PRKN: variants seen among roughly 807,000 people sequenced by gnomAD.
PRKN encodes the protein parkin RBR E3 ubiquitin protein ligase.
Under a neutral mutation model 59.5 loss-of-function variants are expected in PRKN, and 56 were observed. The ratio of observed to expected loss-of-function variants is 0.94; its 90% confidence interval spans 0.76 to 1.18. The LOEUF (loss-of-function observed/expected upper bound fraction) is 1.18, where lower values mean the gene tolerates loss of function less well. Among genes scored for constraint, PRKN ranks in the 50% most tolerant of loss-of-function variants. The probability of loss-of-function intolerance (pLI) is 0.00; values close to 1 mark genes in which losing one functional copy is unlikely to be tolerated. For synonymous variants in PRKN, 250 were observed against 222.1 expected, an observed-to-expected ratio of 1.13 and a Z score of -1.12; for missense variants, 657 against 596.4, an observed-to-expected ratio of 1.10 and a Z score of -1.06.
intron 6 of PRKN, among the ~76,000 whole-genome samples, chr6:161,880,395 G>C (rs1339159277): frequency 1.3e-5 from 2 of 152,164 alleles, no homozygotes; most frequent in South Asian, 4.1e-4. Flanking sequence ...TGAGAGATAT[G>C]ATCATATTTA....
At chr6:162,702,584 T>C (rs986079366) in intron 1 of PRKN, among the ~76,000 whole-genome samples, 3 of 152,190 alleles carry the variant, frequency 2.0e-5, no homozygotes, top group African/African-American at 7.2e-5. Context: ...GGTTGCCTAA[T>C]CATATTCATC....
chr6:161,966,145 T>C (rs1304367104), intron 6 of PRKN, among the ~76,000 whole-genome samples: 2 of 152,050 alleles, frequency 1.3e-5, no homozygotes, highest in Admixed American at 6.5e-5. Context: ...TCTCATAATG[T>C]TATCCCGAAG....
rs1201854263 is a variant in PRKN at position 161,468,095 on chromosome 6, C to T, written c.1083+80759G>A. 6.6e-6 allele frequency among the ~76,000 whole-genome samples: 1 copy of T among 152,144 alleles called. No homozygotes were observed. Among genetic ancestry groups the T allele is most frequent in the Non-Finnish European group, 1.5e-5 (1 of 68,030 alleles). On this transcript the variant is annotated intron_variant, in intron 9 of 11. Transcript: ENST00000366898. The surrounding 1 kb of genome is among the most constrained non-coding windows in gnomAD (Gnocchi z 5.9). ...TCAAGCAATTTTCCTGCCTCAGCCT[C>T]CTGAGTAGCTGGGATTATAGGCACG... is the stretch of plus-strand genomic sequence containing the variant.
chr6:162,458,280 C>G (rs1420168545), intron 1 of PRKN, among the ~76,000 whole-genome samples: 1 of 101,896 alleles, frequency 9.8e-6, no homozygotes, highest in South Asian at 3.0e-4. Context: ...AAAAAAATTA[C>G]CTGGGTGTGG....
rs534387009 is a variant in PRKN at position 161,667,617 on chromosome 6, C to T, written c.872-98201G>A. Reference sequence around the variant, plus strand: ...GTCAAGAGCTGGTTTTATCATTCTTCGTATCTCTAGTATCTTCCCTAGTCC... The same window carrying T: ...GTCAAGAGCTGGTTTTATCATTCTTTGTATCTCTAGTATCTTCCCTAGTCC... On this transcript the variant is annotated intron_variant, in intron 7 of 11. Transcript: ENST00000366898. Among the ~76,000 whole-genome samples, 6 of 152,328 alleles carry T rather than the reference C, an allele frequency of 3.9e-5. No individual in the cohort carries two copies. The South Asian group carries it at 1.2e-3, about 32-fold the overall frequency.
chr6:162,565,469 C>G (rs1247828163), intron 1 of PRKN, among the ~76,000 whole-genome samples: 3 of 152,036 alleles, frequency 2.0e-5, no homozygotes, highest in Admixed American at 2.0e-4. Context: ...GGGTCACCTG[C>G]CTGGGAGGTC....
intron 1 of PRKN, among the ~76,000 whole-genome samples, chr6:162,590,906 A>G (rs973360546): frequency 1.3e-5 from 2 of 152,066 alleles, no homozygotes; most frequent in South Asian, 2.1e-4. Flanking sequence ...CCCACAGACT[A>G]TCCTCTCCAG....
chr6:162,225,512 T>G (rs537604652), intron 3 of PRKN, among the ~76,000 whole-genome samples: 22 of 152,286 alleles, frequency 1.4e-4, no homozygotes, highest in African/African-American at 5.1e-4. Context: ...AAAGTATTTC[T>G]AAGTTAATCT....
intron 2 of PRKN, among the ~76,000 whole-genome samples, chr6:162,404,647 G>A (rs890501173): frequency 6.6e-6 from 1 of 152,084 alleles, no homozygotes; most frequent in Non-Finnish European, 1.5e-5. Flanking sequence ...CCACCTCCCA[G>A]GTTCAAGCGA....
At chr6:161,837,246 G>A (rs937972607) in intron 6 of PRKN, among the ~76,000 whole-genome samples, 3 of 151,960 alleles carry the variant, frequency 2.0e-5, no homozygotes, top group Non-Finnish European at 4.4e-5. Context: ...TGAAAATCTG[G>A]GAATTTTTCC....
rs201748755 is a variant in PRKN at position 162,054,063 on chromosome 6, A to G, written c.618+28T>C. On this transcript the variant is annotated intron_variant, in intron 5 of 11. Transcript: ENST00000366898. ...AAGATGTCATCATTTTCTTGCAATA[A>G]GAGGAATGAATGTGACCAGGTACTT... 26 of 1,392,032 alleles carry G rather than the reference A, an allele frequency of 1.9e-5. No individual in the cohort carries two copies. The Admixed American group carries it at 4.2e-4, about 22-fold the overall frequency. The allele number at this position is 1,392,032 out of a possible 1,614,324, so 86.2% of individuals were successfully genotyped here. A position where few individuals can be genotyped will look rare whatever the true frequency, so the allele number is the denominator to read the frequency against.
intron 7 of PRKN, among the ~76,000 whole-genome samples, chr6:161,785,376 A>G (rs1419286087): frequency 1.3e-5 from 2 of 152,138 alleles, no homozygotes; most frequent in Non-Finnish European, 2.9e-5. Context: ...CACATATGTT[A>G]TTTTATATAT....
intron 6 of PRKN, among the ~76,000 whole-genome samples, chr6:161,947,128 G>A (rs948572448): frequency 2.0e-5 from 3 of 151,742 alleles, no homozygotes; most frequent in African/African-American, 7.3e-5. Context: ...ATGTTTATAC[G>A]TGTTATATGT....
chr6:162,123,395 T>C (rs1939673852), intron 4 of PRKN, among the ~76,000 whole-genome samples: 1 of 152,202 alleles, frequency 6.6e-6, no homozygotes, highest in Admixed American at 6.5e-5. Flanking sequence ...AAAGAGATGT[T>C]ATAAACAAAT....
intron 1 of PRKN, among the ~76,000 whole-genome samples, chr6:162,574,357 CCCA>C (rs1346408454): frequency 6.7e-6 from 1 of 149,142 alleles, no homozygotes; most frequent in African/African-American, 2.5e-5. Flanking sequence ...CATCTTGAAA[CCCA>C]AGAGAAAGAG....
intron 6 of PRKN, among the ~76,000 whole-genome samples, chr6:161,859,603 T>C (rs1255045155): frequency 1.9e-5 from 2 of 106,324 alleles, no homozygotes; most frequent in African/African-American, 7.3e-5. Context: ...AGAGTGAGAC[T>C]CTCTCTCAAA....
rs141885123 is a variant in PRKN at position 161,929,737 on chromosome 6, G to A, written c.734+43565C>T. On this transcript the variant is annotated intron_variant, in intron 6 of 11. Coordinates refer to ENST00000366898, the MANE Select transcript of PRKN (RefSeq NM_004562.3). The stretch of plus-strand genomic sequence containing the variant: ...TTGCCATGTTGGCCAGGCTGGTCTC[G>A]AACTGACCACAAATGATCTACCTGC... 1.3e-3 allele frequency among the ~76,000 whole-genome samples: 198 copies of A among 151,894 alleles called. No individual in the cohort carries two copies. The South Asian group carries it at 0.015, about 12-fold the overall frequency.
intron 2 of PRKN, among the ~76,000 whole-genome samples, chr6:162,430,320 C>T (rs1011399782): frequency 6.6e-6 from 1 of 152,116 alleles, no homozygotes; most frequent in Non-Finnish European, 1.5e-5. Flanking sequence ...CAATTTTTCT[C>T]ATTTTAGGAG....
At position 161,439,088 on chromosome 6, in the gene PRKN, T is replaced by G. The variant is rs962317058; in HGVS notation, c.1084-52211A>C. ...CAATCTCACTTTCGAAAAGAGAAAGTAAGGTGACCCTTGTCATAGTAACAT... is the reference window on the plus strand; with the variant it reads ...CAATCTCACTTTCGAAAAGAGAAAGGAAGGTGACCCTTGTCATAGTAACAT... On this transcript the variant is annotated intron_variant, in intron 9 of 11. Transcript: ENST00000366898. Among the ~76,000 whole-genome samples, 6 of 152,324 alleles carry G rather than the reference T, an allele frequency of 3.9e-5. No homozygotes were observed. The South Asian group carries it at 1.0e-3, about 26-fold the overall frequency.
Sources: gnomAD v4.1 joint callset for allele counts (sites outside exome capture counted in the v4.1 genomes callset) on GRCh38, gnomAD v4.1.1 for gene constraint, Gnocchi (gnomAD v3.1) non-coding constraint, MANE v1.5 for transcripts, NCBI Gene and HGNC (gene_info 2026-07-23, HGNC 2026-07-21) for gene names.